PTBP1: variants seen among roughly 807,000 people sequenced by gnomAD.
PTBP1 encodes the protein polypyrimidine tract binding protein 1.
Under a neutral mutation model 59.8 loss-of-function variants are expected in PTBP1, and 8 were observed. The ratio of observed to expected loss-of-function variants is 0.13; its 90% CI spans 0.08 to 0.24. PTBP1 has a LOEUF of 0.24. Ranked by LOEUF, PTBP1 falls within the 10% of genes least tolerant of loss-of-function variation. The pLI is 1.00. For missense variants in PTBP1, 686 were observed against 767.0 expected (o/e 0.89, Z 1.25); for synonymous variants, 490 against 320.7 (o/e 1.53, Z -5.64).
chr19:808,086 G>A lies in PTBP1; in HGVS notation c.1153+184G>A, dbSNP rs1490394624. 4.6e-6 allele frequency: 3 copies of A among 653,948 alleles called. No homozygotes were observed. The highest frequency in any genetic ancestry group is 2.5e-4 in the Middle Eastern group (1 of 4,004). 40.5% of individuals were successfully genotyped at this position (653,948 alleles called of 1,614,324 possible). A position where few individuals can be genotyped will look rare whatever the true frequency, so the allele number is the denominator to read the frequency against. On this transcript the variant is annotated intron_variant, in intron 11 of 14. Coordinates refer to ENST00000356948, the MANE Select transcript of PTBP1 (RefSeq NM_002819.5). This position sits in a 1 kb window ranked among gnomAD's most constrained non-coding sequence, Gnocchi z 4.7. ...CGTAGATACGTACGCATGGTTTATC[G>A]CCCTGCATGCTTTTCAGAGTTAGAC... is the stretch of plus-strand genomic sequence containing the variant.
intron 5 of PTBP1, 37 bp downstream of exon 5, chr19:804,475 A>T: frequency 6.3e-7 from 1 of 1,598,082 alleles, no homozygotes; most frequent in Non-Finnish European, 8.5e-7. Flanking sequence ...CAGCCCGGGG[A>T]CCTCGGGGGT....
At position 810,682 on chromosome 19, in the gene PTBP1, CCT is replaced by C; in HGVS notation, c.1542-11_1542-10del. The C allele has an allele frequency of 1.2e-6, 2 of 1,612,032 alleles. No homozygotes were observed. Among genetic ancestry groups the C allele is most frequent in the Non-Finnish European group, 1.7e-6 (2 of 1,179,412 alleles). On this transcript the variant is annotated splice_polypyrimidine_tract_variant and intron_variant, in intron 14 of 14. Transcript: ENST00000356948. ...GCTGCCCTGCGGCCGGCCCTGACCC[CCT>C]GTCTTGCAGGAAGGACCGCAAGATG...
chr19:806,464 G>A lies in PTBP1; in HGVS notation c.1027G>A (p.Ala343Thr). 1 of 1,595,962 alleles carries A rather than the reference G, an allele frequency of 6.3e-7. No homozygotes were observed. The highest frequency in any genetic ancestry group is 8.5e-7 in the Non-Finnish European group (1 of 1,172,066). ...ALAPLAIPSA[A>T]AAAAAAGRIA... ...GGCCCCCCTGGCCATCCCCTCGGCG[G>A]CGGCGGCAGCTGCGGCGGCAGGTCG... The change falls in exon 10 of 15, where the codon GCG becomes ACG. Residue 343 changes from alanine (A) to threonine (T), a missense_variant. Transcript: ENST00000356948.
chr19:810,448 C>T, intron 13 of PTBP1, 95 bp from the exon 14 acceptor site: 2 of 1,050,826 alleles, frequency 1.9e-6, no homozygotes, highest in East Asian at 5.1e-5. Flanking sequence ...CCTTCCCCGG[C>T]TACTCTGAAA....
rs2034530039 is a variant in PTBP1 at position 805,630 on chromosome 19, A to T, written c.970+61A>T. The stretch of plus-strand genomic sequence containing the variant: ...GCATGCCCACACCACCTTCCCAGGC[A>T]GCTCCGCATCCACGGCGGCAGCCTG... On this transcript the variant is annotated intron_variant, in intron 9 of 14. Transcript: ENST00000356948. 2.1e-6 allele frequency: 3 copies of T among 1,416,380 alleles called. No individual in the cohort carries two copies. The African/African-American group carries it at 4.2e-5, about 20-fold the overall frequency. 87.7% of individuals were successfully genotyped at this position (1,416,380 alleles called of 1,614,324 possible).
chr19:797,828 C>T (rs1003048537), intron 1 of PTBP1, among the ~76,000 whole-genome samples: 5 of 148,732 alleles, frequency 3.4e-5, no homozygotes, highest in South Asian at 2.1e-4. Flanking sequence ...GCGCGCGGCC[C>T]TTCCCGCTTC....
chr19:800,485 C>G (rs1160730905), intron 2 of PTBP1, among the ~76,000 whole-genome samples: 1 of 152,164 alleles, frequency 6.6e-6, no homozygotes, highest in African/African-American at 2.4e-5. Context: ...AATGATTCTG[C>G]TGGTCATTGT....
chr19:806,256 A>T (rs351978), intron 9 of PTBP1, 152 bp from the exon 10 acceptor site: 11 of 843,290 alleles, frequency 1.3e-5, no homozygotes, highest in African/African-American at 1.8e-5. Flanking sequence ...CGGGGGTCGG[A>T]CGACCCCACA....
In PTBP1 at chr19:808,085, C is replaced by A. The variant is rs937578523; in HGVS notation, c.1153+183C>A. 1.5e-6 allele frequency: 1 copy of A among 658,032 alleles called. No individual in the cohort carries two copies. The highest frequency in any genetic ancestry group is 2.6e-5 in the Admixed American group (1 of 38,572). 40.8% of individuals were successfully genotyped at this position (658,032 alleles called of 1,614,324 possible). On this transcript the variant is annotated intron_variant, in intron 11 of 14. Coordinates refer to ENST00000356948, the MANE Select transcript of PTBP1 (RefSeq NM_002819.5). This position sits in a 1 kb window ranked among gnomAD's most constrained non-coding sequence, Gnocchi z 4.7. ...CCGTAGATACGTACGCATGGTTTAT[C>A]GCCCTGCATGCTTTTCAGAGTTAGA...
intron 1 of PTBP1, 174 bp from the exon 2 acceptor site, chr19:799,239 C>T: frequency 1.3e-6 from 1 of 741,924 alleles, no homozygotes; most frequent in South Asian, 1.4e-5. Context: ...AAGTGGACGG[C>T]TCACTTCCCT....
chr19:805,388 C>A (rs1003501424), intron 8 of PTBP1, 104 bp from the exon 9 acceptor site: 1 of 1,293,512 alleles, frequency 7.7e-7, no homozygotes, highest in Non-Finnish European at 1.1e-6. Flanking sequence ...CGCGAAGGCT[C>A]TGCCGGGGCC....
Position 804,952 on chromosome 19 carries a change from C to T in PTBP1, c.717+13C>T. 1.2e-6 allele frequency: 2 copies of T among 1,612,950 alleles called. No homozygotes were observed. Among genetic ancestry groups the T allele is most frequent in the South Asian group, 1.1e-5 (1 of 91,026 alleles). On this transcript the variant is annotated intron_variant, in intron 7 of 14. Coordinates refer to ENST00000356948, the MANE Select transcript of PTBP1 (RefSeq NM_002819.5). ...GCACGCCAAGCTGGTGAGTGGGGCT[C>T]CCGGGACGGCGCCCGCCCTGGCCCT...
chr19:808,143 G>C lies in PTBP1; in HGVS notation c.1154-217G>C. 1 of 630,320 alleles carries C rather than the reference G, an allele frequency of 1.6e-6. No homozygotes were observed. The highest frequency in any genetic ancestry group is 2.8e-6 in the Non-Finnish European group (1 of 352,732). 39.0% of individuals were successfully genotyped at this position (630,320 alleles called of 1,614,324 possible). A position where few individuals can be genotyped will look rare whatever the true frequency, so the allele number is the denominator to read the frequency against. On this transcript the variant is annotated intron_variant, in intron 11 of 14. Coordinates refer to ENST00000356948, the MANE Select transcript of PTBP1 (RefSeq NM_002819.5). The surrounding 1 kb of genome is among the most constrained non-coding windows in gnomAD (Gnocchi z 4.7). Reference sequence around the variant, plus strand: ...GTGGCATATGCCACCGTGGCCACCCGCTGGCAGCTTACCTGTCCTGGATGC... The same window carrying C: ...GTGGCATATGCCACCGTGGCCACCCCCTGGCAGCTTACCTGTCCTGGATGC...
rs2034714802 is a variant in PTBP1 at position 808,937 on chromosome 19, AGGG to A, written c.1463+178_1463+180del. 6.6e-6 allele frequency among the ~76,000 whole-genome samples: 1 copy of A among 151,998 alleles called. No homozygotes were observed. Among genetic ancestry groups the A allele is most frequent in the South Asian group, 2.1e-4 (1 of 4,824 alleles). On this transcript the variant is annotated intron_variant, in intron 13 of 14. Coordinates refer to ENST00000356948, the MANE Select transcript of PTBP1 (RefSeq NM_002819.5). The surrounding 1 kb of genome is among the most constrained non-coding windows in gnomAD (Gnocchi z 4.7). ...GCTTGAGCCGAGGGCTGCTCAAGGG[AGGG>A]GGTCGTTGGACACTTTGGAGGTTTT... is the stretch of plus-strand genomic sequence containing the variant.
intron 2 of PTBP1, among the ~76,000 whole-genome samples, chr19:800,241 A>G (rs2145024196): frequency 6.6e-6 from 1 of 152,100 alleles, no homozygotes; most frequent in South Asian, 2.1e-4. Flanking sequence ...GCTGACATTA[A>G]GTATCTTTGA....
chr19:797,524 C>T lies in PTBP1; in HGVS notation c.8+19C>T, dbSNP rs1253702934. On this transcript the variant is annotated intron_variant, in intron 1 of 14. Coordinates refer to ENST00000356948, the MANE Select transcript of PTBP1 (RefSeq NM_002819.5). ...TGGACGGGTGAGTCGCACGTCGCCC[C>T]GCGCCCCACCGCCCTCCCCGCGCCG... is the stretch of plus-strand genomic sequence containing the variant. 1.3e-6 allele frequency: 2 copies of T among 1,497,266 alleles called. No homozygotes were observed. The allele number at this position is 1,497,266 out of a possible 1,614,324, so 92.7% of individuals were successfully genotyped here. A position where few individuals can be genotyped will look rare whatever the true frequency, so the allele number is the denominator to read the frequency against.
At chr19:800,774 G>A (rs1346707565) in intron 2 of PTBP1, among the ~76,000 whole-genome samples, 2 of 152,186 alleles carry the variant, frequency 1.3e-5, no homozygotes, top group Non-Finnish European at 2.9e-5. Context: ...TGGCTTGCAG[G>A]CAGTCGTCTC....
At chr19:807,767 C>A in intron 10 of PTBP1, 102 bp from the exon 11 acceptor site, 1 of 872,948 alleles carries the variant, frequency 1.1e-6, no homozygotes, top group Non-Finnish European at 1.9e-6. Context: ...CCACTGCACG[C>A]CTGCGGGGAC....
intron 6 of PTBP1, 32 bp from the exon 7 acceptor site, chr19:804,797 C>G: frequency 1.2e-6 from 2 of 1,608,612 alleles, no homozygotes; most frequent in Non-Finnish European, 1.7e-6. Context: ...GGGCACCGGG[C>G]AGGAGCTCAT....
Sources: gnomAD v4.1 joint callset for allele counts (sites outside exome capture counted in the v4.1 genomes callset) on GRCh38, gnomAD v4.1.1 for gene constraint, Gnocchi (gnomAD v3.1) non-coding constraint, MANE v1.5 for transcripts, NCBI Gene and HGNC (gene_info 2026-07-23, HGNC 2026-07-21) for gene names.